Variants in ADAMTS19 observed in about 807,000 individuals in gnomAD.
ADAMTS19 encodes the protein A disintegrin and metalloproteinase with thrombospondin motifs 19.
In ADAMTS19, 93 loss-of-function variants were observed where a neutral mutation model predicts 153.3. That is an observed-to-expected ratio of 0.61 (90% confidence interval 0.51 to 0.72). ADAMTS19 has a LOEUF of 0.72. Ranked by LOEUF, ADAMTS19 falls within the 30% of genes least tolerant of loss-of-function variation. The probability of loss-of-function intolerance (pLI) is 0.00; values close to 1 mark genes in which losing one functional copy is unlikely to be tolerated. For missense variants in ADAMTS19, 1,482 were observed against 1,552.1 expected (o/e 0.95, Z 0.76); for synonymous variants, 600 against 556.6 (o/e 1.08, Z -1.10).
rs1261632066 is a variant in ADAMTS19, at chr5:129,471,872, A to G, written c.747+10115A>G. Among the ~76,000 whole-genome samples the G allele has an allele frequency of 2.0e-5, 3 of 152,184 alleles. No individual in the cohort carries two copies. The East Asian group carries it at 5.8e-4, about 29-fold the overall frequency. On this transcript the variant is annotated intron_variant, in intron 2 of 22. Coordinates refer to ENST00000274487, the MANE Select transcript of ADAMTS19 (RefSeq NM_133638.6). ...CCTCCAGCCCCATCCAGGTTGCTGC[A>G]AAGGACATGATATCATTCTTTTAGG...
At chr5:129,699,473 A>C (rs2127156678) in intron 19 of ADAMTS19, among the ~76,000 whole-genome samples, 1 of 152,262 alleles carries the variant, frequency 6.6e-6, no homozygotes, top group East Asian at 1.9e-4. Flanking sequence ...TATTATGTAA[A>C]AGTGTTATGG....
intron 13 of ADAMTS19, among the ~76,000 whole-genome samples, chr5:129,651,059 G>C (rs1442532757): frequency 6.6e-6 from 1 of 152,114 alleles, no homozygotes; most frequent in East Asian, 1.9e-4. Flanking sequence ...TTGCTGTGTT[G>C]TTAACACCTA....
intron 8 of ADAMTS19, among the ~76,000 whole-genome samples, chr5:129,606,744 T>C (rs1418875622): frequency 6.6e-6 from 1 of 152,200 alleles, no homozygotes; most frequent in African/African-American, 2.4e-5. Flanking sequence ...TGAACTGTAA[T>C]TTTCAAACAT....
intron 7 of ADAMTS19, among the ~76,000 whole-genome samples, chr5:129,572,784 T>A (rs1361734071): frequency 6.6e-6 from 1 of 151,998 alleles, no homozygotes. Context: ...TTTACAGGAA[T>A]AGCACAAAGA....
chr5:129,553,098 C>T (rs1009407037), intron 7 of ADAMTS19, among the ~76,000 whole-genome samples: 1 of 152,014 alleles, frequency 6.6e-6, no homozygotes, highest in Non-Finnish European at 1.5e-5. Flanking sequence ...TTACCCTAAC[C>T]ATGGAAGCTT....
intron 11 of ADAMTS19, among the ~76,000 whole-genome samples, chr5:129,644,544 C>G (rs1752970085): frequency 6.6e-6 from 1 of 152,138 alleles, no homozygotes. Context: ...TGATTTTGAA[C>G]AAAGAGGTTT....
At position 129,526,385 on chromosome 5, in the gene ADAMTS19, GCAGACCCAGCAATGGTTT is replaced by G; in HGVS notation, c.1017_1034del (p.Asp340_Ser345del). On this transcript the variant is annotated inframe_deletion, in exon 4 of 23. Coordinates refer to ENST00000274487, the MANE Select transcript of ADAMTS19 (RefSeq NM_133638.6). The stretch of plus-strand genomic sequence containing the variant: ...ATACAACATAGAGACTGTAGTGGTT[GCAGACCCAGCAATGGTTT>G]CCTATCATGGAGCAGATGCAGCCAG... The G allele has an allele frequency of 6.2e-7, 1 of 1,604,692 alleles. No homozygotes were observed. Among genetic ancestry groups the G allele is most frequent in the Non-Finnish European group, 8.5e-7 (1 of 1,175,992 alleles).
chr5:129,591,457 T>A (rs1750130530), intron 7 of ADAMTS19, among the ~76,000 whole-genome samples: 1 of 151,864 alleles, frequency 6.6e-6, no homozygotes, highest in Non-Finnish European at 1.5e-5. Flanking sequence ...CACGCCTGGT[T>A]AATTTTTGTA....
chr5:129,575,353 ATTATG>A (rs536516342), intron 7 of ADAMTS19, among the ~76,000 whole-genome samples: 34 of 152,190 alleles, frequency 2.2e-4, no homozygotes, highest in Non-Finnish European at 4.0e-4. Context: ...TCAGGATATG[ATTATG>A]TTATAACATT....
At chr5:129,709,832 C>T (rs754714079) in intron 21 of ADAMTS19, among the ~76,000 whole-genome samples, 2 of 152,112 alleles carry the variant, frequency 1.3e-5, no homozygotes, top group Admixed American at 6.5e-5. Flanking sequence ...TTTCACATAT[C>T]CCTAAAGAAA....
chr5:129,682,484 T>C (rs926811824), intron 17 of ADAMTS19, among the ~76,000 whole-genome samples: 3 of 152,216 alleles, frequency 2.0e-5, no homozygotes, highest in East Asian at 1.9e-4. Context: ...AATCTAAAGT[T>C]CTATCAATGA....
At chr5:129,691,492 T>G (rs1484405494) in intron 18 of ADAMTS19, among the ~76,000 whole-genome samples, 1 of 152,202 alleles carries the variant, frequency 6.6e-6, no homozygotes, top group Non-Finnish European at 1.5e-5. Context: ...GGAAATTTCC[T>G]GTGTTGGCTG....
At chr5:129,491,815 C>G (rs1179251775) in intron 2 of ADAMTS19, among the ~76,000 whole-genome samples, 1 of 152,038 alleles carries the variant, frequency 6.6e-6, no homozygotes, top group African/African-American at 2.4e-5. Flanking sequence ...CAATAAAAAG[C>G]AAATTACAGA....
At chr5:129,642,761 A>G (rs1020916358) in intron 11 of ADAMTS19, among the ~76,000 whole-genome samples, 1 of 152,240 alleles carries the variant, frequency 6.6e-6, no homozygotes, top group Non-Finnish European at 1.5e-5. Context: ...TAGATTTCTT[A>G]TGGTGAAATA....
chr5:129,697,305 A>G (rs1385515725), intron 19 of ADAMTS19, among the ~76,000 whole-genome samples: 1 of 152,020 alleles, frequency 6.6e-6, no homozygotes, highest in African/African-American at 2.4e-5. Flanking sequence ...TAGTTTTTCA[A>G]GTTTAGTTTT....
At chr5:129,538,041 T>A (rs1368890072) in intron 6 of ADAMTS19, among the ~76,000 whole-genome samples, 1 of 151,838 alleles carries the variant, frequency 6.6e-6, no homozygotes, top group Admixed American at 6.6e-5. Context: ...TTGAGGTGAG[T>A]CTAGGTTAAA....
chr5:129,619,844 G>C (rs1227527510), intron 8 of ADAMTS19, among the ~76,000 whole-genome samples: 1 of 151,910 alleles, frequency 6.6e-6, no homozygotes, highest in East Asian at 1.9e-4. Context: ...ACAAAATAGA[G>C]GCTATGTGAT....
At chr5:129,630,156 C>T (rs908068161) in intron 10 of ADAMTS19, among the ~76,000 whole-genome samples, 1 of 152,050 alleles carries the variant, frequency 6.6e-6, no homozygotes, top group Non-Finnish European at 1.5e-5. Context: ...TCTCAAACCT[C>T]TCCTTGAAGC....
chr5:129,521,694 T>C (rs1374559616), intron 3 of ADAMTS19, among the ~76,000 whole-genome samples: 2 of 152,098 alleles, frequency 1.3e-5, no homozygotes, highest in Non-Finnish European at 2.9e-5. Flanking sequence ...GCAAGCAATT[T>C]TCTTTAAAGG....
Sources: allele counts gnomAD v4.1 joint callset (sites outside exome capture counted in the v4.1 genomes callset), GRCh38; gene constraint gnomAD v4.1.1; transcripts MANE v1.5; gene names NCBI Gene and HGNC (gene_info 2026-07-23, HGNC 2026-07-21).